CSGALNACT1: variants seen among roughly 807,000 people sequenced by gnomAD.
The protein encoded by CSGALNACT1 is beta4GalNAcT-1.
In CSGALNACT1, 52 loss-of-function variants were observed where a neutral mutation model predicts 51.0. The ratio of observed to expected loss-of-function variants is 1.02; its 90% CI spans 0.82 to 1.29. The LOEUF (loss-of-function observed/expected upper bound fraction) is 1.29, where lower values mean the gene tolerates loss of function less well. Among genes scored for constraint, CSGALNACT1 ranks in the 50% most tolerant of loss-of-function variants. CSGALNACT1 has a pLI of 0.00. For missense variants in CSGALNACT1, 935 were observed against 679.2 expected (o/e 1.38, Z -4.19); for synonymous variants, 341 against 254.4 (o/e 1.34, Z -3.24).
In CSGALNACT1 at chr8:19,520,557, T is replaced by C. The variant is rs572866742; in HGVS notation, c.-296-14427A>G. 6.6e-5 allele frequency among the ~76,000 whole-genome samples: 10 copies of C among 152,336 alleles called. No homozygotes were observed. In the East Asian group the frequency reaches 1.9e-3, roughly 29 times the overall value. ...CATTAGCTAAAAAACATTTCAAGAT[T>C]TCATGCCTGTAAAGAAATGTACGCA... On this transcript the variant is annotated intron_variant, in intron 3 of 9. Coordinates refer to ENST00000454498, the Ensembl canonical transcript of CSGALNACT1.
intron 4 of CSGALNACT1, among the ~76,000 whole-genome samples, chr8:19,466,269 A>C (rs905408014): frequency 6.6e-6 from 1 of 152,198 alleles, no homozygotes; most frequent in African/African-American, 2.4e-5. Flanking sequence ...AGGGCAAAAC[A>C]CTACTTTCTT....
chr8:19,530,021 T>G (rs1436106183), intron 3 of CSGALNACT1, among the ~76,000 whole-genome samples: 1 of 151,606 alleles, frequency 6.6e-6, no homozygotes, highest in Non-Finnish European at 1.5e-5. Context: ...GGAGTTGGAG[T>G]CCAGCCTGGT....
At chr8:19,598,912 T>C (rs895176789) in intron 2 of CSGALNACT1, among the ~76,000 whole-genome samples, 1 of 152,154 alleles carries the variant, frequency 6.6e-6, no homozygotes, top group Non-Finnish European at 1.5e-5. Context: ...TTTTGTTTGG[T>C]GCCTTATAAG....
At chr8:19,587,053 A>C (rs1276437619) in intron 3 of CSGALNACT1, among the ~76,000 whole-genome samples, 1 of 152,218 alleles carries the variant, frequency 6.6e-6, no homozygotes, top group Non-Finnish European at 1.5e-5. Flanking sequence ...TCACTTAAAA[A>C]TGTGTTTGAG....
At chr8:19,422,697 G>C (rs2058137388) in intron 6 of CSGALNACT1, among the ~76,000 whole-genome samples, 1 of 152,208 alleles carries the variant, frequency 6.6e-6, no homozygotes, top group African/African-American at 2.4e-5. Flanking sequence ...CGTCTCCAAA[G>C]ACATTCAGAT....
intron 3 of CSGALNACT1, among the ~76,000 whole-genome samples, chr8:19,538,036 G>A (rs929680804): frequency 6.6e-6 from 1 of 152,152 alleles, no homozygotes; most frequent in Non-Finnish European, 1.5e-5. Context: ...AAGAACACTT[G>A]GTGGAGTGCA....
At chr8:19,463,808 C>T (rs1318298105) in intron 4 of CSGALNACT1, among the ~76,000 whole-genome samples, 1 of 152,114 alleles carries the variant, frequency 6.6e-6, no homozygotes, top group African/African-American at 2.4e-5. Context: ...GCAAGTATCC[C>T]AATGCCGGTC....
chr8:19,657,621 G>A (rs2058396323), intron 1 of CSGALNACT1, among the ~76,000 whole-genome samples: 1 of 152,194 alleles, frequency 6.6e-6, no homozygotes, highest in South Asian at 2.1e-4. Context: ...CCTTCCATGT[G>A]AAGAGAAAAA....
At chr8:19,517,045 C>T (rs750468533) in intron 3 of CSGALNACT1, among the ~76,000 whole-genome samples, 20 of 152,104 alleles carry the variant, frequency 1.3e-4, no homozygotes, top group East Asian at 1.9e-4. Context: ...GGGTGTAAGA[C>T]GCCAGGAGTT....
chr8:19,492,798 C>T (rs1186254110), intron 4 of CSGALNACT1, among the ~76,000 whole-genome samples: 1 of 152,158 alleles, frequency 6.6e-6, no homozygotes, highest in Non-Finnish European at 1.5e-5. Flanking sequence ...TATTCCCAAA[C>T]TGGAAATTCA....
intron 1 of CSGALNACT1, among the ~76,000 whole-genome samples, chr8:19,621,607 T>C (rs2053835431): frequency 6.6e-6 from 1 of 151,954 alleles, no homozygotes; most frequent in Non-Finnish European, 1.5e-5. Context: ...CAAGACCCAG[T>C]CTCTACAAAA....
At chr8:19,606,351 G>A (rs2051364654), upstream of CSGALNACT1, among the ~76,000 whole-genome samples, 1 of 152,140 alleles carries the variant, frequency 6.6e-6, no homozygotes, top group Admixed American at 6.5e-5. Flanking sequence ...GATAGAGCAG[G>A]GATAGGGTCA....
intron 3 of CSGALNACT1, among the ~76,000 whole-genome samples, chr8:19,546,545 A>G (rs1249814046): frequency 6.6e-6 from 1 of 152,206 alleles, no homozygotes; most frequent in Non-Finnish European, 1.5e-5. Context: ...AGTTTCTTAA[A>G]CAAATGTGGC....
At chr8:19,697,716 C>T (rs2061654737) in intron 1 of CSGALNACT1, among the ~76,000 whole-genome samples, 1 of 152,058 alleles carries the variant, frequency 6.6e-6, no homozygotes, top group African/African-American at 2.4e-5. Flanking sequence ...GGCAATGAGT[C>T]CACTGTGGGA....
chr8:19,660,009 G>A (rs2058624321), intron 1 of CSGALNACT1, among the ~76,000 whole-genome samples: 1 of 152,190 alleles, frequency 6.6e-6, no homozygotes, highest in Non-Finnish European at 1.5e-5. Context: ...GAAGTACAAG[G>A]TAGTACTATT....
chr8:19,523,228 G>T (rs1383608188), intron 3 of CSGALNACT1, among the ~76,000 whole-genome samples: 3 of 152,138 alleles, frequency 2.0e-5, no homozygotes, highest in African/African-American at 7.2e-5. Flanking sequence ...AAGGTGGCAT[G>T]TAAGATGTTC....
At chr8:19,485,818 G>A (rs1281330917) in intron 4 of CSGALNACT1, among the ~76,000 whole-genome samples, 4 of 122,424 alleles carry the variant, frequency 3.3e-5, no homozygotes, top group African/African-American at 1.3e-4. Flanking sequence ...CCAGGCTGAA[G>A]TACAATGGCA....
chr8:19,446,605 C>T (rs2062162356), intron 5 of CSGALNACT1, among the ~76,000 whole-genome samples: 1 of 152,126 alleles, frequency 6.6e-6, no homozygotes, highest in African/African-American at 2.4e-5. Flanking sequence ...CATCAACCTC[C>T]CAGGTTCAAG....
intron 4 of CSGALNACT1, among the ~76,000 whole-genome samples, chr8:19,468,194 G>A (rs1416449835): frequency 1.3e-5 from 2 of 152,032 alleles, no homozygotes; most frequent in Non-Finnish European, 2.9e-5. Context: ...TACCAGAACT[G>A]AAGACTGAGC....
Sources: gnomAD v4.1 joint callset for allele counts (sites outside exome capture counted in the v4.1 genomes callset) on GRCh38, gnomAD v4.1.1 for gene constraint, MANE v1.5 for transcripts, NCBI Gene and HGNC (gene_info 2026-07-23, HGNC 2026-07-21) for gene names.